PSMA7: variants seen among roughly 807,000 people sequenced by gnomAD.
The protein encoded by PSMA7 is proteasome 20S subunit alpha 7.
A neutral mutation model predicts 31.3 loss-of-function variants in PSMA7; 5 were observed. The observed-to-expected ratio is 0.16, with a 90% CI of 0.08 to 0.34. The LOEUF (loss-of-function observed/expected upper bound fraction) is 0.34. Ranked by LOEUF, PSMA7 falls within the 10% of genes least tolerant of loss-of-function variation. The probability of loss-of-function intolerance (pLI) is 1.00; values close to 1 mark genes in which losing one functional copy is unlikely to be tolerated. For missense variants in PSMA7, 217 were observed against 327.5 expected, an observed-to-expected ratio of 0.66 and a Z score of 2.60; for synonymous variants, 155 against 121.9, an observed-to-expected ratio of 1.27 and a Z score of -1.79.
chr20:62,139,737 T>G (rs375573849), intron 3 of PSMA7, 44 bp downstream of exon 3: 1 of 1,613,716 alleles, frequency 6.2e-7, no homozygotes, highest in Non-Finnish European at 8.5e-7. Flanking sequence ...GAGCCGTGAC[T>G]GCCCTGCTGC....
intron 1 of PSMA7, 25 bp from the exon 2 acceptor site, chr20:62,140,969 G>GT: frequency 6.2e-7 from 1 of 1,613,188 alleles, no homozygotes; most frequent in South Asian, 1.1e-5. Context: ...CACAAACCAC[G>GT]TAAGAAAGTG....
chr20:62,141,762 C>G (rs1008244752), intron 1 of PSMA7, among the ~76,000 whole-genome samples: 2 of 152,232 alleles, frequency 1.3e-5, no homozygotes, highest in Non-Finnish European at 2.9e-5. Context: ...CCTGATTTGC[C>G]GTCAGTGGAC....
At chr20:62,138,012 G>A (rs765016569) in intron 5 of PSMA7, among the ~76,000 whole-genome samples, 159 bp downstream of exon 5, 1 of 152,220 alleles carries the variant, frequency 6.6e-6, no homozygotes, top group Non-Finnish European at 1.5e-5. Flanking sequence ...GAACACAGCA[G>A]TTAGGATACA....
chr20:62,141,498 G>T (rs959158685), intron 1 of PSMA7, among the ~76,000 whole-genome samples: 1 of 152,244 alleles, frequency 6.6e-6, no homozygotes, highest in African/African-American at 2.4e-5. Context: ...TGCTCACCTA[G>T]GTGCCCAACC....
intron 5 of PSMA7, 143 bp downstream of exon 5, chr20:62,138,028 G>A (rs1372026384): frequency 8.9e-7 from 1 of 1,117,860 alleles, no homozygotes. Context: ...ATACACCATA[G>A]ACCAGAGCAG....
rs768556427 is a variant in PSMA7 at position 62,143,289 on chromosome 20, G to A, written c.15C>T (p.Arg5=). The change falls in exon 1 of 7, where the codon CGC becomes CGT. Residue 5 remains arginine, a synonymous_variant. Coordinates refer to ENST00000370873, the MANE Select transcript of PSMA7 (RefSeq NM_002792.4). MSYD[R]AITVFSPDGH... ...CGTCGGGCGAGAAGACGGTGATGGCGCGGTCGTAGCTCATGCCGGCGGGCG... is the reference window on the plus strand; with the variant it reads ...CGTCGGGCGAGAAGACGGTGATGGCACGGTCGTAGCTCATGCCGGCGGGCG... The A allele has an allele frequency of 6.1e-6, 9 of 1,468,070 alleles. No individual in the cohort carries two copies. Among genetic ancestry groups the A allele is most frequent in the Non-Finnish European group, 6.4e-6 (7 of 1,100,988 alleles). The allele number at this position is 1,468,070 out of a possible 1,614,324, so 90.9% of individuals were successfully genotyped here.
chr20:62,142,962 G>C (rs1429688181), intron 1 of PSMA7, among the ~76,000 whole-genome samples: 1 of 150,156 alleles, frequency 6.7e-6, no homozygotes, highest in Non-Finnish European at 1.5e-5. Context: ...ACGCGAGGCC[G>C]GGCCCCAAGC....
chr20:62,138,412 G>T, intron 4 of PSMA7, 122 bp from the exon 5 acceptor site: 1 of 1,306,038 alleles, frequency 7.7e-7, no homozygotes, highest in Non-Finnish European at 1.0e-6. Context: ...AAGCTGGAGT[G>T]CTGGACAGCA....
rs1568729004 is a variant in PSMA7 at position 62,143,356 on chromosome 20, T to A, written c.-53A>T. 3.5e-6 allele frequency: 4 copies of A among 1,129,624 alleles called. No homozygotes were observed. Among genetic ancestry groups the A allele is most frequent in the Non-Finnish European group, 4.5e-6 (4 of 879,552 alleles). The allele number at this position is 1,129,624 out of a possible 1,614,324, so 70.0% of individuals were successfully genotyped here. On this transcript the variant is annotated 5_prime_UTR_variant, in exon 1 of 7. Transcript: ENST00000370873. The stretch of plus-strand genomic sequence containing the variant: ...CGCCGCGACTCTCAAAAGCGCACAC[T>A]CACGGCCCGCGCGCACCCGCGACTC...
At chr20:62,138,034 A>G (rs2056905471) in intron 5 of PSMA7, 137 bp downstream of exon 5, 2 of 1,167,146 alleles carry the variant, frequency 1.7e-6, no homozygotes, top group Non-Finnish European at 2.5e-6. Flanking sequence ...CATAGACCAG[A>G]GCAGTGCCTG....
rs1450221126 is a variant in PSMA7, at chr20:62,137,491, G to A, written c.592-65C>T. ...CTATTCAAGACAAAAGCAGCTCTCAGGAGTACCTTAAATAGGTGTGTACCC... is the reference window on the plus strand; with the variant it reads ...CTATTCAAGACAAAAGCAGCTCTCAAGAGTACCTTAAATAGGTGTGTACCC... On this transcript the variant is annotated intron_variant, in intron 5 of 6. Transcript: ENST00000370873. The A allele has an allele frequency of 8.0e-6, 12 of 1,501,842 alleles. No individual in the cohort carries two copies. In the African/African-American group the frequency reaches 1.4e-4, roughly 17 times the overall value. The allele number at this position is 1,501,842 out of a possible 1,614,324, so 93.0% of individuals were successfully genotyped here. A position where few individuals can be genotyped will look rare whatever the true frequency, so the allele number is the denominator to read the frequency against.
At chr20:62,139,398 A>C (rs182431259) in intron 3 of PSMA7, 7 of 714,348 alleles carry the variant, frequency 9.8e-6, no homozygotes, top group Non-Finnish European at 1.6e-5. Flanking sequence ...ACCTAGGACC[A>C]GAATTGTGAA....
rs760598599 is a variant in PSMA7, at chr20:62,139,827, G to A, written c.302C>T (p.Pro101Leu). 20 of 1,613,930 alleles carry A rather than the reference G, an allele frequency of 1.2e-5. No individual in the cohort carries two copies. The highest frequency in any genetic ancestry group is 1.5e-5 in the Non-Finnish European group (18 of 1,180,034). Residue 101 changes from proline to leucine, a missense_variant, in exon 3 of 7, where the codon CCG becomes CTG. By Grantham distance (98) the Pro-to-Leu change is moderately conservative. Transcript: ENST00000370873. Reference protein sequence around the residue: ...CQSHRLTVEDPVTVEYITRYI... With the variant: ...CQSHRLTVEDLVTVEYITRYI... ...GCGGGTGATGTACTCCACAGTGACCGGGTCCTCCACAGTCAGCCGGTGGCT... is the reference window on the plus strand; with the variant it reads ...GCGGGTGATGTACTCCACAGTGACCAGGTCCTCCACAGTCAGCCGGTGGCT...
In PSMA7 at chr20:62,143,327, C is replaced by G; in HGVS notation, c.-24G>C. On this transcript the variant is annotated 5_prime_UTR_variant, in exon 1 of 7. Coordinates refer to ENST00000370873, the MANE Select transcript of PSMA7 (RefSeq NM_002792.4). ...ATGCCGGCGGGCGGCGGCCGGGCTC[C>G]TTCCGCCGCGACTCTCAAAAGCGCA... 7.3e-7 allele frequency: 1 copy of G among 1,362,864 alleles called. No homozygotes were observed. The highest frequency in any genetic ancestry group is 9.6e-7 in the Non-Finnish European group (1 of 1,038,338). 84.4% of individuals were successfully genotyped at this position (1,362,864 alleles called of 1,614,324 possible).
intron 1 of PSMA7, among the ~76,000 whole-genome samples, chr20:62,141,487 G>A (rs573319970): frequency 2.6e-5 from 4 of 152,348 alleles, no homozygotes; most frequent in Admixed American, 6.5e-5. Flanking sequence ...TAGCCCAGGC[G>A]TGCTCACCTA....
intron 6 of PSMA7, among the ~76,000 whole-genome samples, 186 bp downstream of exon 6, chr20:62,137,178 G>A (rs1232888517): frequency 2.6e-5 from 4 of 152,188 alleles, no homozygotes; most frequent in Non-Finnish European, 4.4e-5. Flanking sequence ...GAGAACACGC[G>A]TGGACCATCT....
intron 6 of PSMA7, among the ~76,000 whole-genome samples, 165 bp from the exon 7 acceptor site, chr20:62,137,114 TAAG>T (rs1222208691): frequency 7.5e-5 from 6 of 80,104 alleles, no homozygotes; most frequent in Non-Finnish European, 1.2e-4. Flanking sequence ...AGACAAGTAT[TAAG>T]CAGCAGTAGC....
intron 1 of PSMA7, among the ~76,000 whole-genome samples, chr20:62,141,486 C>A (rs1380449843): frequency 6.6e-6 from 1 of 152,248 alleles, no homozygotes; most frequent in Non-Finnish European, 1.5e-5. Context: ...CTAGCCCAGG[C>A]GTGCTCACCT....
chr20:62,139,448 T>C, intron 3 of PSMA7: 1 of 640,126 alleles, frequency 1.6e-6, no homozygotes, highest in Non-Finnish European at 2.7e-6. Flanking sequence ...TAGACACACA[T>C]TCTGCTTACA....
Sources: gnomAD v4.1 joint callset for allele counts (sites outside exome capture counted in the v4.1 genomes callset) on GRCh38, gnomAD v4.1.1 for gene constraint, MANE v1.5 for transcripts, NCBI Gene and HGNC (gene_info 2026-07-23, HGNC 2026-07-21) for gene names.